PRKCH: variants seen among roughly 807,000 people sequenced by gnomAD.
PRKCH encodes protein kinase C eta type.
A neutral mutation model predicts 82.5 loss-of-function variants in PRKCH; 28 were observed. The ratio of observed to expected loss-of-function variants is 0.34; its 90% CI spans 0.25 to 0.47. The LOEUF is 0.47. PRKCH is among the 20% of genes least tolerant of loss of function. The probability of loss-of-function intolerance (pLI) is 1.00; values close to 1 mark genes in which losing one functional copy is unlikely to be tolerated. For missense variants in PRKCH, 705 were observed against 881.8 expected (o/e 0.80, Z 2.54); for synonymous variants, 322 against 327.4 (o/e 0.98, Z 0.18).
At chr14:61,318,778 C>A (rs1190013301), upstream of PRKCH, among the ~76,000 whole-genome samples, 4 of 152,260 alleles carry the variant, frequency 2.6e-5, no homozygotes, top group South Asian at 6.2e-4. Flanking sequence ...TTCTTCCAAT[C>A]CACCCCCGAG....
At chr14:61,454,885 G>A (rs574560775) in intron 7 of PRKCH, among the ~76,000 whole-genome samples, 3 of 152,216 alleles carry the variant, frequency 2.0e-5, no homozygotes, top group South Asian at 4.1e-4. Context: ...GAAAATTATC[G>A]ACTCAACTAA....
In PRKCH at chr14:61,209,913, A is replaced by C. The variant is rs554655626; in HGVS notation, c.-19+22245A>C. 3.8e-4 allele frequency among the ~76,000 whole-genome samples: 57 copies of C among 151,342 alleles called. 1 individual carries two copies. In the South Asian group the frequency reaches 0.011, roughly 30 times the overall value. On this transcript the variant is annotated intron_variant, in intron 1 of 3. Transcript: ENST00000555185. ...TATAAATGAGAACATGCAGTATTTG[A>C]TTTTCTGAGTTAGTTCACTGCAAAT...
At chr14:61,476,377 C>T (rs1469008611) in intron 9 of PRKCH, 2 of 152,214 alleles carry the variant, frequency 1.3e-5, no homozygotes, top group African/African-American at 4.8e-5. Flanking sequence ...CAGATCCATC[C>T]CAGCCCTACA....
chr14:61,485,908 C>T (rs1022836119), intron 10 of PRKCH, among the ~76,000 whole-genome samples: 6 of 152,154 alleles, frequency 3.9e-5, no homozygotes, highest in Admixed American at 1.3e-4. Context: ...ACTACAGGCA[C>T]GCACCACTAC....
At chr14:61,351,026 A>G (rs545838626) in intron 1 of PRKCH, among the ~76,000 whole-genome samples, 1 of 152,274 alleles carries the variant, frequency 6.6e-6, no homozygotes, top group African/African-American at 2.4e-5. Flanking sequence ...TTTACTTTGC[A>G]TATTAGGGTC....
intron 1 of PRKCH, among the ~76,000 whole-genome samples, chr14:61,236,327 G>A (rs2044787504): frequency 6.6e-6 from 1 of 152,204 alleles, no homozygotes; most frequent in African/African-American, 2.4e-5. Context: ...TTCCCAGATG[G>A]TTAAGGCATT....
At chr14:61,532,577 G>A (rs1472086177) in intron 12 of PRKCH, among the ~76,000 whole-genome samples, 3 of 152,008 alleles carry the variant, frequency 2.0e-5, no homozygotes, top group Non-Finnish European at 4.4e-5. Context: ...CTGAAACTAG[G>A]TATCATCCCC....
chr14:61,323,293 A>G (rs2045654931), intron 1 of PRKCH, among the ~76,000 whole-genome samples: 1 of 151,360 alleles, frequency 6.6e-6, no homozygotes, highest in South Asian at 2.1e-4. Context: ...GCTGTAAATC[A>G]ATTAAAACTT....
chr14:61,345,280 A>G (rs2045977700), intron 1 of PRKCH, among the ~76,000 whole-genome samples: 1 of 152,188 alleles, frequency 6.6e-6, no homozygotes. Flanking sequence ...CAGCCTCTTC[A>G]TGGTTATAAA....
At chr14:61,433,133 G>A (rs1345204920) in intron 2 of PRKCH, among the ~76,000 whole-genome samples, 1 of 151,638 alleles carries the variant, frequency 6.6e-6, no homozygotes, top group Admixed American at 6.6e-5. Flanking sequence ...AATCTTTGGT[G>A]TTGGATTTCA....
chr14:61,254,158 T>C (rs779852931), intron 1 of PRKCH, among the ~76,000 whole-genome samples: 12 of 152,110 alleles, frequency 7.9e-5, no homozygotes, highest in Non-Finnish European at 1.3e-4. Flanking sequence ...TCATGTTTTA[T>C]CATTTGGATA....
At chr14:61,447,171 TA>T (rs1884266545) in intron 4 of PRKCH, among the ~76,000 whole-genome samples, 1 of 152,176 alleles carries the variant, frequency 6.6e-6, no homozygotes, top group Non-Finnish European at 1.5e-5. Context: ...GGGACAACAA[TA>T]AAGGGGTCAG....
In PRKCH at chr14:61,261,651, G is replaced by A. The variant is rs8018983; in HGVS notation, c.-19+73983G>A. Among the ~76,000 whole-genome samples the A allele has an allele frequency of 6.1e-3, 929 of 152,024 alleles. 3 individuals are homozygous for A. The highest frequency in any genetic ancestry group is 0.021 in the African/African-American group (884 of 41,430). On this transcript the variant is annotated intron_variant, in intron 1 of 3. Transcript: ENST00000555185. ...TCAGACAAGTCTAAATTCATCTGTTGCCATTTACATCCATATCTTTTTTTT... is the reference window on the plus strand; with the variant it reads ...TCAGACAAGTCTAAATTCATCTGTTACCATTTACATCCATATCTTTTTTTT...
At chr14:61,455,388 T>C (rs1404196405) in intron 7 of PRKCH, among the ~76,000 whole-genome samples, 2 of 152,194 alleles carry the variant, frequency 1.3e-5, no homozygotes, top group South Asian at 2.1e-4. Context: ...TTAATCCTTA[T>C]ATTAGATCAT....
rs1383021846 is a variant in PRKCH at position 61,472,715 on chromosome 14, C to CA, written c.1279-12779dup. Reference sequence around the variant, plus strand: ...TCTCAATTTTTTAAAAACCCACACACAAAAAAAACAACAAAACAAAAAGTA... The same window carrying CA: ...TCTCAATTTTTTAAAAACCCACACACAAAAAAAAACAACAAAACAAAAAGTA... On this transcript the variant is annotated intron_variant, in intron 9 of 13. Coordinates refer to ENST00000332981, the MANE Select transcript of PRKCH (RefSeq NM_006255.5). Among the ~76,000 whole-genome samples, 88 of 151,726 alleles carry CA rather than the reference C, an allele frequency of 5.8e-4. 1 individual carries two copies. Among genetic ancestry groups the CA allele is most frequent in the African/African-American group, 1.8e-3 (75 of 41,378 alleles).
intron 1 of PRKCH, among the ~76,000 whole-genome samples, chr14:61,334,050 T>A (rs1274206553): frequency 6.6e-6 from 1 of 152,158 alleles, no homozygotes; most frequent in Non-Finnish European, 1.5e-5. Context: ...CTGAGCTGAA[T>A]GGAGACTGTC....
At chr14:61,192,018 T>G (rs1385804683) in intron 1 of PRKCH, among the ~76,000 whole-genome samples, 1 of 148,622 alleles carries the variant, frequency 6.7e-6, no homozygotes, top group Non-Finnish European at 1.5e-5. Context: ...TCCTAAAACA[T>G]TGTGTGTGTG....
At chr14:61,210,275 C>T (rs2044564502) in intron 1 of PRKCH, among the ~76,000 whole-genome samples, 1 of 151,460 alleles carries the variant, frequency 6.6e-6, no homozygotes, top group Non-Finnish European at 1.5e-5. Context: ...GATCGTGCCA[C>T]TGCACTCCAG....
At chr14:61,358,306 C>T (rs918964091) in intron 1 of PRKCH, among the ~76,000 whole-genome samples, 2 of 152,200 alleles carry the variant, frequency 1.3e-5, no homozygotes, top group African/African-American at 2.4e-5. Context: ...CTGCTGTTCT[C>T]TTTCAGTTTC....
Sources: allele counts gnomAD v4.1 joint callset (sites outside exome capture counted in the v4.1 genomes callset), GRCh38; gene constraint gnomAD v4.1.1; transcripts MANE v1.5; gene names NCBI Gene and HGNC (gene_info 2026-07-23, HGNC 2026-07-21).